YY1: variants seen among roughly 807,000 people sequenced by gnomAD.
The protein encoded by YY1 is transcriptional repressor protein YY1.
A neutral mutation model predicts 35.6 loss-of-function variants in YY1; 2 were observed. The ratio of observed to expected loss-of-function variants is 0.06; its 90% CI spans 0.02 to 0.18. The LOEUF is 0.18. Ranked by LOEUF, YY1 falls within the 10% of genes least tolerant of loss-of-function variation. The pLI is 1.00. For missense variants in YY1, 322 were observed against 573.4 expected, an observed-to-expected ratio of 0.56 and a Z score of 4.48; for synonymous variants, 268 against 238.9, an observed-to-expected ratio of 1.12 and a Z score of -1.12.
Position 100,262,349 on chromosome 14 carries a change from T to A in YY1, c.725T>A (p.Ile242Asn). 1.9e-6 allele frequency: 3 copies of A among 1,613,960 alleles called. No individual in the cohort carries two copies. Among genetic ancestry groups the A allele is most frequent in the East Asian group, 2.2e-5 (1 of 44,868 alleles). ...CATGAGACAGTGGTTGAAGAACAGATCATTGGAGAGAACTCACCTCCTGAT... is the reference window on the plus strand; with the variant it reads ...CATGAGACAGTGGTTGAAGAACAGAACATTGGAGAGAACTCACCTCCTGAT... Reference protein sequence around the residue: ...IDHETVVEEQIIGENSPPDYS... With the variant: ...IDHETVVEEQNIGENSPPDYS... Residue 242 changes from isoleucine to asparagine, a missense_variant, in exon 2 of 5, where the codon ATC becomes AAC. Ile to Asn is a moderately radical substitution (Grantham distance 149). Coordinates refer to ENST00000262238, the MANE Select transcript of YY1 (RefSeq NM_003403.5).
At chr14:100,253,016 C>T (rs1458648994) in intron 1 of YY1, among the ~76,000 whole-genome samples, 1 of 152,122 alleles carries the variant, frequency 6.6e-6, no homozygotes, top group East Asian at 1.9e-4. Context: ...GCACTCCAGC[C>T]TGGACAACAG....
chr14:100,250,087 T>C (rs1890902038), intron 1 of YY1, among the ~76,000 whole-genome samples: 1 of 152,242 alleles, frequency 6.6e-6, no homozygotes, highest in South Asian at 2.1e-4. Flanking sequence ...TACTGCTCTT[T>C]AGATACATTG....
In YY1 at chr14:100,279,892, GGAGCCA is replaced by G. The variant is rs1322356955; in HGVS notation, c.*2294_*2299del. On this transcript the variant is annotated 3_prime_UTR_variant, in exon 5 of 5. Transcript: ENST00000262238. ...CCCGAGAGCCATGCCATGGCCTGCA[GGAGCCA>G]GGCTCCTGTGTGGATGAAGTCCCTC... is the stretch of plus-strand genomic sequence containing the variant. 11 of 152,342 alleles carry G rather than the reference GGAGCCA, an allele frequency of 7.2e-5. No individual in the cohort carries two copies. Among genetic ancestry groups the G allele is most frequent in the African/African-American group, 2.4e-4 (10 of 41,452 alleles). 9.4% of individuals were successfully genotyped at this position (152,342 alleles called of 1,614,324 possible).
chr14:100,276,396 T>G lies in YY1; in HGVS notation c.904-94T>G, dbSNP rs1891318882. On this transcript the variant is annotated intron_variant, in intron 3 of 4. Coordinates refer to ENST00000262238, the MANE Select transcript of YY1 (RefSeq NM_003403.5). The surrounding 1 kb of genome is among the most constrained non-coding windows in gnomAD (Gnocchi z 4.1). The stretch of plus-strand genomic sequence containing the variant: ...TTAAAATGGGGGGTTGGGGAGGTGG[T>G]TTTGTTTTAATATGTCAGTAAAGGC... The G allele has an allele frequency of 6.3e-7, 1 of 1,575,902 alleles. No homozygotes were observed.
rs1253308311 is a variant in YY1, at chr14:100,280,438, C to T, written c.*2838C>T. 6.6e-6 allele frequency: 1 copy of T among 151,984 alleles called. No individual in the cohort carries two copies. The highest frequency in any genetic ancestry group is 2.4e-5 in the African/African-American group (1 of 41,356). 9.4% of individuals were successfully genotyped at this position (151,984 alleles called of 1,614,324 possible). A position where few individuals can be genotyped will look rare whatever the true frequency, so the allele number is the denominator to read the frequency against. On this transcript the variant is annotated 3_prime_UTR_variant, in exon 5 of 5. Coordinates refer to ENST00000262238, the MANE Select transcript of YY1 (RefSeq NM_003403.5). ...ATTTTTGAATTTCTTATTATTTCCC[C>T]CTTTTTGGTAGTGGAGTTGAGAGGG...
Position 100,262,249 on chromosome 14 carries a change from TG to T in YY1, c.680-54del, listed in dbSNP as rs1891095318. The stretch of plus-strand genomic sequence containing the variant: ...AGAAGTTACTGGTGAAAGCAGTTTT[TG>T]TAGTTTTTAAAATCTATTTACTCAG... On this transcript the variant is annotated intron_variant, in intron 1 of 4. Transcript: ENST00000262238. 4.4e-6 allele frequency: 7 copies of T among 1,601,090 alleles called. No individual in the cohort carries two copies. In the East Asian group the frequency reaches 1.6e-4, roughly 36 times the overall value.
chr14:100,260,072 G>C (rs1382903543), intron 1 of YY1, among the ~76,000 whole-genome samples: 2 of 151,532 alleles, frequency 1.3e-5, no homozygotes, highest in African/African-American at 4.9e-5. Context: ...AGGGAAGACT[G>C]GTGTTTTTTG....
At chr14:100,254,940 ATTTT>A (rs35165026) in intron 1 of YY1, among the ~76,000 whole-genome samples, 753 of 29,556 alleles carry the variant, frequency 0.025, 21 homozygotes, top group African/African-American at 0.1. Flanking sequence ...CGCCCAGCTA[ATTTT>A]TTTTTTTTTT....
rs1209338859 is a variant in YY1, at chr14:100,277,682, T to C, written c.*82T>C. ...GGAATAAATATGCCTCTCCTTTGTA[T>C]ATTATTTCTAGGAAGAATTTTAAAA... On this transcript the variant is annotated 3_prime_UTR_variant, in exon 5 of 5. Transcript: ENST00000262238. The surrounding 1 kb of genome is among the most constrained non-coding windows in gnomAD (Gnocchi z 5.6). 4.9e-6 allele frequency: 7 copies of C among 1,423,168 alleles called. No homozygotes were observed. The highest frequency in any genetic ancestry group is 1.4e-5 in the African/African-American group (1 of 70,038). The allele number at this position is 1,423,168 out of a possible 1,614,324, so 88.2% of individuals were successfully genotyped here.
intron 1 of YY1, among the ~76,000 whole-genome samples, chr14:100,250,439 TATACATGC>T (rs1374064829): frequency 1.3e-5 from 2 of 152,012 alleles, no homozygotes; most frequent in African/African-American, 4.8e-5. Context: ...TAGCCAAACA[TATACATGC>T]ATACATACAT....
In YY1 at chr14:100,281,836, C is replaced by T. The variant is rs1891437922; in HGVS notation, c.*4236C>T. The T allele has an allele frequency of 6.6e-6, 1 of 152,164 alleles. No individual in the cohort carries two copies. 9.4% of individuals were successfully genotyped at this position (152,164 alleles called of 1,614,324 possible). On this transcript the variant is annotated 3_prime_UTR_variant, in exon 5 of 5. Coordinates refer to ENST00000262238, the MANE Select transcript of YY1 (RefSeq NM_003403.5). ...GGCCCTTCAGACAAGTCACGTCAGG[C>T]AAGAGAGGGCTGGCCTCTGACCCAC...
intron 2 of YY1, among the ~76,000 whole-genome samples, chr14:100,263,512 T>G (rs1891112724): frequency 6.6e-6 from 1 of 152,192 alleles, no homozygotes; most frequent in Admixed American, 6.5e-5. Flanking sequence ...TCTAGTACTG[T>G]TTGGCAGTTT....
rs1232531059 is a variant in YY1 at position 100,278,172 on chromosome 14, A to C, written c.*572A>C. ...TTATATAGGTTTTGTTTGCTATCTT[A>C]ATTTTGGTTGTATTCTTTGATGTTA... is the stretch of plus-strand genomic sequence containing the variant. On this transcript the variant is annotated 3_prime_UTR_variant, in exon 5 of 5. Transcript: ENST00000262238. 6.4e-6 allele frequency: 1 copy of C among 155,328 alleles called. No homozygotes were observed. Among genetic ancestry groups the C allele is most frequent in the Non-Finnish European group, 1.4e-5 (1 of 69,918 alleles). 9.6% of individuals were successfully genotyped at this position (155,328 alleles called of 1,614,324 possible). A position where few individuals can be genotyped will look rare whatever the true frequency, so the allele number is the denominator to read the frequency against.
intron 1 of YY1, among the ~76,000 whole-genome samples, chr14:100,243,818 A>G (rs1470145546): frequency 6.6e-6 from 1 of 151,448 alleles, no homozygotes. Context: ...AAAAAAAAAA[A>G]AAATTGGCCG....
intron 2 of YY1, among the ~76,000 whole-genome samples, chr14:100,272,382 C>T (rs1026665790): frequency 2.6e-5 from 4 of 151,982 alleles, no homozygotes; most frequent in African/African-American, 9.7e-5. Context: ...GGACCAACTC[C>T]ATGGAGATAA....
intron 2 of YY1, among the ~76,000 whole-genome samples, chr14:100,268,547 T>C (rs892283746): frequency 6.6e-6 from 1 of 152,222 alleles, no homozygotes; most frequent in Non-Finnish European, 1.5e-5. Context: ...CAAATGGGTA[T>C]TTTTGTTGCT....
intron 1 of YY1, among the ~76,000 whole-genome samples, chr14:100,246,834 CAAAA>C (rs1890840447): frequency 6.6e-6 from 1 of 152,258 alleles, no homozygotes; most frequent in East Asian, 1.9e-4. Flanking sequence ...GAGCCAAGCT[CAAAA>C]AGCCCTCCAA....
At chr14:100,242,190 C>T (rs1351447495) in intron 1 of YY1, among the ~76,000 whole-genome samples, 3 of 152,064 alleles carry the variant, frequency 2.0e-5, no homozygotes, top group East Asian at 1.9e-4. Context: ...TGCATTTTAT[C>T]TTAACAAATT....
chr14:100,249,777 TTTTTG>T (rs1234733553), intron 1 of YY1, among the ~76,000 whole-genome samples: 4 of 148,016 alleles, frequency 2.7e-5, no homozygotes, highest in African/African-American at 1.0e-4. Flanking sequence ...TTTGTTTTTG[TTTTTG>T]TTTTTTTTTG....
Sources: gnomAD v4.1 joint callset for allele counts (sites outside exome capture counted in the v4.1 genomes callset) on GRCh38, gnomAD v4.1.1 for gene constraint, Gnocchi (gnomAD v3.1) non-coding constraint, MANE v1.5 for transcripts, NCBI Gene and HGNC (gene_info 2026-07-23, HGNC 2026-07-21) for gene names.